PTPRS: variants seen among roughly 807,000 people sequenced by gnomAD.
PTPRS encodes the protein protein tyrosine phosphatase receptor type S.
A neutral mutation model predicts 215.3 loss-of-function variants in PTPRS; 63 were observed. The observed-to-expected ratio is 0.29, with a 90% CI of 0.24 to 0.36. PTPRS has a LOEUF of 0.36. Among genes scored for constraint, PTPRS ranks in the 10% least tolerant of loss-of-function variants. The probability of loss-of-function intolerance (pLI) is 1.00; values close to 1 mark genes in which losing one functional copy is unlikely to be tolerated. For synonymous variants in PTPRS, 1,404 were observed against 1,191.4 expected, an observed-to-expected ratio of 1.18 and a Z score of -3.68; for missense variants, 2,258 against 2,825.8, an observed-to-expected ratio of 0.80 and a Z score of 4.56.
In PTPRS at chr19:5,206,895, G is replaced by C. The variant is rs900996157; in HGVS notation, c.5779-53C>G. 2.6e-6 allele frequency: 4 copies of C among 1,553,358 alleles called. No individual in the cohort carries two copies. In the African/African-American group the frequency reaches 5.4e-5, roughly 21 times the overall value. On this transcript the variant is annotated intron_variant, in intron 37 of 37. Coordinates refer to ENST00000262963, the MANE Select transcript of PTPRS (RefSeq NM_002850.4). ...ACCTCCGCTGCTCTAACGCCTCCCA[G>C]GGCTCCCTATCGCCCTCAGGAGCAG...
intron 2 of PTPRS, among the ~76,000 whole-genome samples, chr19:5,282,854 A>G (rs2047982462): frequency 6.6e-6 from 1 of 151,768 alleles, no homozygotes; most frequent in South Asian, 2.1e-4. Flanking sequence ...TGATGGGCAG[A>G]GACAGGATTC....
Position 5,274,182 on chromosome 19 carries a change from C to A in PTPRS, c.237+17G>T, listed in dbSNP as rs935789401. The A allele has an allele frequency of 6.2e-7, 1 of 1,601,152 alleles. No homozygotes were observed. The highest frequency in any genetic ancestry group is 1.7e-5 in the Admixed American group (1 of 59,624). On this transcript the variant is annotated intron_variant, in intron 3 of 37. Transcript: ENST00000262963. The stretch of plus-strand genomic sequence containing the variant: ...GGGAGCATTGACCCCAGGCTGCCTC[C>A]CCCTACCCCAACTCACCTCAAAGCG...
At chr19:5,285,696 G>A (rs960721276) in intron 2 of PTPRS, among the ~76,000 whole-genome samples, 2 of 152,224 alleles carry the variant, frequency 1.3e-5, no homozygotes, top group Non-Finnish European at 2.9e-5. Flanking sequence ...TGGGAAACGT[G>A]GAAGGTAACA....
chr19:5,339,162 T>G lies in PTPRS; in HGVS notation c.-95+1502A>C, dbSNP rs1391859349. 1.3e-5 allele frequency among the ~76,000 whole-genome samples: 2 copies of G among 151,706 alleles called. No homozygotes were observed. On this transcript the variant is annotated intron_variant, in intron 1 of 37. Coordinates refer to ENST00000262963, the MANE Select transcript of PTPRS (RefSeq NM_002850.4). The surrounding 1 kb of genome is among the most constrained non-coding windows in gnomAD (Gnocchi z 4.2). ...CTCGGCCAGAGGCAGGAGGACCCCA[T>G]GCTCAGAAGGGGGCTCCCCTAGATT...
Position 5,222,798 on chromosome 19 carries a change from C to T in PTPRS, c.2994G>A (p.Gln998=), listed in dbSNP as rs1428993109. 1 of 1,598,374 alleles carries T rather than the reference C, an allele frequency of 6.3e-7. No individual in the cohort carries two copies. The highest frequency in any genetic ancestry group is 1.1e-5 in the South Asian group (1 of 90,942). ...CATAGGCCGTGTCGGGCTTCAGGCC[C>T]TGCAGCGTGAGCGCGTTCTCCGCGC... ...EPGAENALTL[Q]GLKPDTAYDL... The change falls in exon 18 of 38, where the codon CAG becomes CAA. Residue 998 remains glutamine, a synonymous_variant. Coordinates refer to ENST00000262963, the MANE Select transcript of PTPRS (RefSeq NM_002850.4).
Position 5,274,341 on chromosome 19 carries a change from G to C in PTPRS, c.95C>G (p.Pro32Arg), listed in dbSNP as rs1199573225. Residue 32 changes from proline to arginine, a missense_variant, in exon 3 of 38, where the codon CCC becomes CGC. Around this residue, in one of 6 missense-constraint regions of PTPRS, gnomAD observed 508 missense variants for 799.4 expected, o/e 0.64. Coordinates refer to ENST00000262963, the MANE Select transcript of PTPRS (RefSeq NM_002850.4). Reference protein sequence around the residue: ...LLVGGCAAEEPPRFIKEPKDQ... With the variant: ...LLVGGCAAEERPRFIKEPKDQ... The stretch of plus-strand genomic sequence containing the variant: ...CTTGGGTTCTTTGATAAACCTGGGG[G>C]GCTCTGGGGATACAGTGGAAAGAAG... 2 of 1,610,444 alleles carry C rather than the reference G, an allele frequency of 1.2e-6. No homozygotes were observed. Among genetic ancestry groups the C allele is most frequent in the Admixed American group, 3.3e-5 (2 of 59,896 alleles).
chr19:5,226,681 G>A (rs1465238155), intron 16 of PTPRS, among the ~76,000 whole-genome samples: 3 of 152,108 alleles, frequency 2.0e-5, no homozygotes, highest in Non-Finnish European at 2.9e-5. Flanking sequence ...CCCAGGAGGC[G>A]GAGGTTGCAG....
intron 4 of PTPRS, among the ~76,000 whole-genome samples, chr19:5,272,541 T>C (rs1286847198): frequency 7.8e-6 from 1 of 128,888 alleles, no homozygotes; most frequent in African/African-American, 2.9e-5. Context: ...GAGGTTGCAG[T>C]GAGCTGAGAT....
intron 9 of PTPRS, 126 bp from the exon 10 acceptor site, chr19:5,246,171 G>A (rs1208886536): frequency 2.1e-6 from 1 of 485,954 alleles, no homozygotes; most frequent in Non-Finnish European, 3.3e-6. Context: ...AAGAAGGAAA[G>A]AAAGAAAAAA....
intron 1 of PTPRS, among the ~76,000 whole-genome samples, chr19:5,306,549 C>T (rs905703756): frequency 6.6e-6 from 1 of 152,180 alleles, no homozygotes; most frequent in Non-Finnish European, 1.5e-5. Context: ...GGCCTCTTCT[C>T]GCCTGTGGTA....
intron 1 of PTPRS, among the ~76,000 whole-genome samples, chr19:5,331,459 A>G (rs1364202935): frequency 6.6e-6 from 1 of 152,138 alleles, no homozygotes; most frequent in Non-Finnish European, 1.5e-5. Flanking sequence ...ACCTCAGCAC[A>G]GTGTACATGA....
intron 37 of PTPRS, among the ~76,000 whole-genome samples, chr19:5,207,394 T>C (rs1310774179): frequency 2.6e-5 from 4 of 152,064 alleles, no homozygotes; most frequent in Non-Finnish European, 4.4e-5. Context: ...CTCATTTCTA[T>C]TTTTTTTGTA....
chr19:5,261,623 G>T (rs138122452), intron 6 of PTPRS, among the ~76,000 whole-genome samples: 2 of 152,128 alleles, frequency 1.3e-5, no homozygotes, highest in Non-Finnish European at 2.9e-5. Flanking sequence ...ACCTCGATCT[G>T]CCAGGAGTGG....
At chr19:5,327,163 C>T (rs1050149522) in intron 1 of PTPRS, among the ~76,000 whole-genome samples, 5 of 152,204 alleles carry the variant, frequency 3.3e-5, no homozygotes, top group Admixed American at 6.5e-5. Context: ...ATCTGCTCTC[C>T]GCACTGCAGT....
intron 14 of PTPRS, 46 bp from the exon 15 acceptor site, chr19:5,229,730 G>C: frequency 1.7e-6 from 2 of 1,178,776 alleles, no homozygotes; most frequent in Non-Finnish European, 2.1e-6. Flanking sequence ...GCCGTTACCA[G>C]GGCGCCCGGC....
At position 5,295,310 on chromosome 19, in the gene PTPRS, C is replaced by G. The variant is rs1031585878; in HGVS notation, c.-94-9076G>C. ...GCTGCCCAGGACTCGGGACGGCAGA[C>G]AAGGGCTTGCCAGCCGCTTCCCAGC... On this transcript the variant is annotated intron_variant, in intron 1 of 37. Coordinates refer to ENST00000262963, the MANE Select transcript of PTPRS (RefSeq NM_002850.4). This position sits in a 1 kb window ranked among gnomAD's most constrained non-coding sequence, Gnocchi z 4.6. Among the ~76,000 whole-genome samples the G allele has an allele frequency of 6.6e-6, 1 of 152,230 alleles. No homozygotes were observed. The highest frequency in any genetic ancestry group is 2.4e-5 in the African/African-American group (1 of 41,462).
chr19:5,271,392 A>ATTT (rs528606232), intron 4 of PTPRS, among the ~76,000 whole-genome samples: 2 of 134,134 alleles, frequency 1.5e-5, no homozygotes, highest in Non-Finnish European at 1.6e-5. Flanking sequence ...TTATTACCCG[A>ATTT]TTTTTTTTTT....
chr19:5,326,567 T>C (rs1181039569), intron 1 of PTPRS, among the ~76,000 whole-genome samples: 7 of 151,928 alleles, frequency 4.6e-5, no homozygotes, highest in South Asian at 2.1e-4. Context: ...GTGCCTGTAA[T>C]CCCAGCGCTT....
chr19:5,274,105 G>T (rs1473977154), intron 3 of PTPRS, 94 bp downstream of exon 3: 9 of 1,500,040 alleles, frequency 6.0e-6, no homozygotes, highest in Middle Eastern at 2.4e-4. Flanking sequence ...CTCCACCTGG[G>T]GAACGTGTCC....
Sources: gnomAD v4.1 joint callset for allele counts (sites outside exome capture counted in the v4.1 genomes callset) on GRCh38, gnomAD v4.1.1 for gene constraint, gnomAD v4.1.1 regional missense constraint, Gnocchi (gnomAD v3.1) non-coding constraint, MANE v1.5 for transcripts, NCBI Gene and HGNC (gene_info 2026-07-23, HGNC 2026-07-21) for gene names.